Variants in HS6ST3 observed in about 807,000 individuals in gnomAD.
The protein encoded by HS6ST3 is heparan sulfate 6-O-sulfotransferase 3, also known as heparan-sulfate 6-O-sulfotransferase 3.
Under a neutral mutation model 36.7 loss-of-function variants are expected in HS6ST3, and 12 were observed. The ratio of observed to expected loss-of-function variants is 0.33; its 90% CI spans 0.21 to 0.53. The LOEUF is 0.53. HS6ST3 is among the 20% of genes least tolerant of loss of function. HS6ST3 has a pLI of 0.95. For synonymous variants in HS6ST3, 240 were observed against 257.5 expected, an observed-to-expected ratio of 0.93 and a Z score of 0.65; for missense variants, 584 against 640.9, an observed-to-expected ratio of 0.91 and a Z score of 0.96.
chr13:96,491,660 G>A (rs528469147), intron 1 of HS6ST3, among the ~76,000 whole-genome samples: 1 of 151,962 alleles, frequency 6.6e-6, no homozygotes, highest in South Asian at 2.1e-4. Flanking sequence ...GACCCACCAG[G>A]CCAGTTCTGT....
At chr13:96,328,925 A>C (rs891242936) in intron 1 of HS6ST3, among the ~76,000 whole-genome samples, 7 of 152,000 alleles carry the variant, frequency 4.6e-5, no homozygotes, top group South Asian at 2.1e-4. Context: ...TGTATGTGTC[A>C]AGGAATTTAT....
chr13:96,139,253 G>A (rs781156792), intron 1 of HS6ST3, among the ~76,000 whole-genome samples: 53 of 152,050 alleles, frequency 3.5e-4, no homozygotes, highest in Non-Finnish European at 6.2e-4. Flanking sequence ...ACTATGGTAT[G>A]TGAAATAATT....
Position 96,426,950 on chromosome 13 carries a change from C to T in HS6ST3, c.707+335381C>T, listed in dbSNP as rs145378464. 5.5e-4 allele frequency among the ~76,000 whole-genome samples: 83 copies of T among 152,234 alleles called. No homozygotes were observed. In the East Asian group the frequency reaches 0.014, roughly 26 times the overall value. Reference sequence around the variant, plus strand: ...GATAAACTAGTAGAGTTGTTCTCTACACATATGAAATATCTGGGGATAATG... The same window carrying T: ...GATAAACTAGTAGAGTTGTTCTCTATACATATGAAATATCTGGGGATAATG... On this transcript the variant is annotated intron_variant, in intron 1 of 1. Coordinates refer to ENST00000376705, the MANE Select transcript of HS6ST3 (RefSeq NM_153456.4).
At chr13:96,704,520 T>C (rs1463130898) in intron 1 of HS6ST3, among the ~76,000 whole-genome samples, 1 of 152,176 alleles carries the variant, frequency 6.6e-6, no homozygotes, top group African/African-American at 2.4e-5. Flanking sequence ...GATGGTTGAA[T>C]GTACATAGAA....
chr13:96,303,215 G>T lies in HS6ST3; in HGVS notation c.707+211646G>T, dbSNP rs187634293. Reference sequence around the variant, plus strand: ...ATGTTGATGCCTAAACTTCTCTAAAGGTCTATATTTTAATAATTTTGTGAA... The same window carrying T: ...ATGTTGATGCCTAAACTTCTCTAAATGTCTATATTTTAATAATTTTGTGAA... On this transcript the variant is annotated intron_variant, in intron 1 of 1. Transcript: ENST00000376705. Among the ~76,000 whole-genome samples the T allele has an allele frequency of 5.9e-5, 9 of 152,238 alleles. No individual in the cohort carries two copies. The East Asian group carries it at 1.7e-3, about 29-fold the overall frequency.
At chr13:96,586,964 T>G (rs2138972782) in intron 1 of HS6ST3, among the ~76,000 whole-genome samples, 1 of 152,350 alleles carries the variant, frequency 6.6e-6, no homozygotes, top group South Asian at 2.1e-4. Context: ...TGAGTTGATC[T>G]TTATATATAG....
chr13:96,190,391 G>A (rs1174201734), intron 1 of HS6ST3, among the ~76,000 whole-genome samples: 4 of 152,032 alleles, frequency 2.6e-5, no homozygotes, highest in Admixed American at 1.3e-4. Flanking sequence ...TCTTCTACAT[G>A]GATACATGTA....
chr13:96,519,216 T>A (rs1401932198), intron 1 of HS6ST3, among the ~76,000 whole-genome samples: 1 of 152,136 alleles, frequency 6.6e-6, no homozygotes, highest in Admixed American at 6.6e-5. Context: ...TGCCTTTGAG[T>A]CACTTTGTTA....
At chr13:96,274,964 A>T (rs1194468610) in intron 1 of HS6ST3, among the ~76,000 whole-genome samples, 1 of 151,440 alleles carries the variant, frequency 6.6e-6, no homozygotes, top group Admixed American at 6.6e-5. Context: ...ATTCTGTTGC[A>T]GGCTTCAGCG....
intron 1 of HS6ST3, among the ~76,000 whole-genome samples, chr13:96,328,358 A>G (rs1297681785): frequency 6.6e-6 from 1 of 151,328 alleles, no homozygotes; most frequent in African/African-American, 2.4e-5. Context: ...ACGTCCCATC[A>G]ATACCTAATT....
rs140573869 is a variant in HS6ST3 at position 96,818,743 on chromosome 13, A to C, written c.708-13747A>C. ...CAAGGTGAAGTGTTGAGCAGCAACC[A>C]CTTTACTCTTTAGAAGCTGTGGAAA... On this transcript the variant is annotated intron_variant, in intron 1 of 1. Coordinates refer to ENST00000376705, the MANE Select transcript of HS6ST3 (RefSeq NM_153456.4). Among the ~76,000 whole-genome samples the C allele has an allele frequency of 7.3e-3, 1,107 of 152,332 alleles. 9 individuals carry two copies. The highest frequency in any genetic ancestry group is 0.024 in the African/African-American group (1,008 of 41,572).
At chr13:96,734,196 G>T (rs1876226064) in intron 1 of HS6ST3, among the ~76,000 whole-genome samples, 1 of 152,216 alleles carries the variant, frequency 6.6e-6, no homozygotes. Flanking sequence ...GCAGTGTGCA[G>T]CAAATTGCCT....
intron 1 of HS6ST3, among the ~76,000 whole-genome samples, chr13:96,260,724 C>T (rs1038562496): frequency 1.3e-5 from 2 of 151,800 alleles, no homozygotes; most frequent in South Asian, 2.1e-4. Context: ...ACAGTAACCT[C>T]GGCCTCCCAG....
At chr13:96,368,044 A>G (rs574293461) in intron 1 of HS6ST3, among the ~76,000 whole-genome samples, 7 of 152,190 alleles carry the variant, frequency 4.6e-5, no homozygotes, top group African/African-American at 4.8e-5. Context: ...CAGACTCCCC[A>G]CGTGTTTTTG....
chr13:96,498,972 C>T (rs2055990662), intron 1 of HS6ST3, among the ~76,000 whole-genome samples: 1 of 151,702 alleles, frequency 6.6e-6, no homozygotes, highest in Non-Finnish European at 1.5e-5. Context: ...TTCTATCATT[C>T]AGGTCAGTAT....
intron 1 of HS6ST3, among the ~76,000 whole-genome samples, chr13:96,246,106 T>C (rs2054583890): frequency 6.6e-6 from 1 of 152,164 alleles, no homozygotes; most frequent in African/African-American, 2.4e-5. Flanking sequence ...TGTAGATACA[T>C]GAGTGGCTGT....
At chr13:96,683,672 G>A (rs1874675585) in intron 1 of HS6ST3, among the ~76,000 whole-genome samples, 1 of 151,990 alleles carries the variant, frequency 6.6e-6, no homozygotes, top group Non-Finnish European at 1.5e-5. Context: ...CTCATCATAT[G>A]TTTACTTTCT....
chr13:96,349,858 G>A (rs542651374), intron 1 of HS6ST3, among the ~76,000 whole-genome samples: 11 of 152,248 alleles, frequency 7.2e-5, no homozygotes, highest in Non-Finnish European at 4.4e-5. Flanking sequence ...TGGTGTAAAT[G>A]TTGACTGCAG....
chr13:96,354,206 A>G (rs903172865), intron 1 of HS6ST3, among the ~76,000 whole-genome samples: 1 of 152,192 alleles, frequency 6.6e-6, no homozygotes, highest in African/African-American at 2.4e-5. Flanking sequence ...GAGTTAGCTG[A>G]CAGGGATATG....
Sources: allele counts gnomAD v4.1 joint callset (sites outside exome capture counted in the v4.1 genomes callset), GRCh38; gene constraint gnomAD v4.1.1; transcripts MANE v1.5; gene names NCBI Gene and HGNC (gene_info 2026-07-23, HGNC 2026-07-21).